The following RAF1 variants were observed in gnomAD, a reference collection of about 807,000 sequenced individuals.
RAF1 encodes the protein Raf-1 proto-oncogene, serine/threonine kinase, also known as RAF proto-oncogene serine/threonine-protein kinase.
Under a neutral mutation model 81.1 loss-of-function variants are expected in RAF1, and 27 were observed. The observed-to-expected ratio is 0.33, with a 90% confidence interval of 0.25 to 0.46. The LOEUF (loss-of-function observed/expected upper bound fraction) is 0.46, where lower values mean the gene tolerates loss of function less well. Among genes scored for constraint, RAF1 ranks in the 20% least tolerant of loss-of-function variants. The probability of loss-of-function intolerance (pLI) is 1.00; values close to 1 mark genes in which losing one functional copy is unlikely to be tolerated. For missense variants in RAF1, 598 were observed against 826.0 expected (o/e 0.72, Z 3.38); for synonymous variants, 298 against 294.0 (o/e 1.01, Z -0.14).
chr3:12,658,597 C>T (rs547496145), intron 1 of RAF1, among the ~76,000 whole-genome samples: 11 of 151,786 alleles, frequency 7.2e-5, no homozygotes, highest in Non-Finnish European at 1.3e-4. Context: ...AACGAAACTC[C>T]GTCTCAAAAA....
intron 1 of RAF1, among the ~76,000 whole-genome samples, chr3:12,657,158 A>G (rs994966755): frequency 6.6e-6 from 1 of 152,194 alleles, no homozygotes; most frequent in Non-Finnish European, 1.5e-5. Flanking sequence ...TTTCCACTAA[A>G]CATACTATTA....
At chr3:12,599,935 C>A in intron 10 of RAF1, 127 bp from the exon 10 acceptor site, 1 of 1,195,612 alleles carries the variant, frequency 8.4e-7, no homozygotes, top group Non-Finnish European at 1.2e-6. Context: ...ATTAACCATA[C>A]TTCCAATTTT....
intron 1 of RAF1, among the ~76,000 whole-genome samples, chr3:12,634,918 A>G (rs944079551): frequency 6.6e-6 from 1 of 152,198 alleles, no homozygotes; most frequent in Non-Finnish European, 1.5e-5. Flanking sequence ...GGGGATATAT[A>G]CTATTCATGG....
At chr3:12,657,462 T>C (rs938326604) in intron 1 of RAF1, among the ~76,000 whole-genome samples, 4 of 152,192 alleles carry the variant, frequency 2.6e-5, no homozygotes, top group East Asian at 3.8e-4. Context: ...GAAAATAATA[T>C]TTAATTCTTA....
At chr3:12,641,337 T>C (rs1012942979) in intron 1 of RAF1, among the ~76,000 whole-genome samples, 1 of 151,690 alleles carries the variant, frequency 6.6e-6, no homozygotes, top group Non-Finnish European at 1.5e-5. Context: ...AACCTGCACA[T>C]TGTGCACATG....
chr3:12,642,498 C>T (rs1043974146), intron 1 of RAF1, among the ~76,000 whole-genome samples: 3 of 150,102 alleles, frequency 2.0e-5, no homozygotes, highest in East Asian at 3.9e-4. Flanking sequence ...GGCAACAGAG[C>T]GAGACTCCAT....
intron 1 of RAF1, among the ~76,000 whole-genome samples, chr3:12,632,395 ACTGT>A (rs1276181517): frequency 2.0e-5 from 3 of 151,568 alleles, no homozygotes; most frequent in Non-Finnish European, 4.4e-5. Context: ...GCAATGGATC[ACTGT>A]CTGTTTTTTT....
At chr3:12,602,299 GATTAA>G (rs1411165678) in intron 8 of RAF1, among the ~76,000 whole-genome samples, 1 of 152,154 alleles carries the variant, frequency 6.6e-6, no homozygotes, top group Non-Finnish European at 1.5e-5. Context: ...ACTTATATGT[GATTAA>G]ATTAACAGGA....
At chr3:12,619,016 TGGGTG>T (rs2059465836) in intron 1 of RAF1, among the ~76,000 whole-genome samples, 1 of 136,984 alleles carries the variant, frequency 7.3e-6, no homozygotes, top group African/African-American at 2.8e-5. Flanking sequence ...GAGGCCGAGG[TGGGTG>T]CATCACGAGG....
At chr3:12,611,810 TG>T (rs1457332462) in intron 3 of RAF1, 139 bp downstream of exon 3, 82 of 712,862 alleles carry the variant, frequency 1.2e-4, no homozygotes, top group Non-Finnish European at 1.8e-4. Flanking sequence ...CCTATTTTTC[TG>T]AATTATCTCT....
At chr3:12,622,919 T>C (rs1321374037) in intron 1 of RAF1, among the ~76,000 whole-genome samples, 1 of 152,158 alleles carries the variant, frequency 6.6e-6, no homozygotes, top group Non-Finnish European at 1.5e-5. Flanking sequence ...TCCCAGCACT[T>C]TGGGAGGCCC....
At chr3:12,641,286 G>A (rs1487747753) in intron 1 of RAF1, among the ~76,000 whole-genome samples, 6 of 151,570 alleles carry the variant, frequency 4.0e-5, no homozygotes, top group Admixed American at 2.6e-4. Flanking sequence ...CTAGTTAACT[G>A]GTGCAGCACA....
intron 1 of RAF1, among the ~76,000 whole-genome samples, chr3:12,644,365 T>G (rs1046383728): frequency 1.3e-5 from 2 of 152,190 alleles, no homozygotes; most frequent in Non-Finnish European, 2.9e-5. Flanking sequence ...GAACACCCAC[T>G]TAAGTTTTCT....
At chr3:12,604,345 T>C (rs2125399324) in intron 6 of RAF1, 56 bp from the exon 7 acceptor site, 1 of 1,566,616 alleles carries the variant, frequency 6.4e-7, no homozygotes, top group Non-Finnish European at 8.7e-7. Flanking sequence ...ACTGGTGAAG[T>C]CTTTCAAGTA....
At chr3:12,647,224 A>G (rs1038216069) in intron 1 of RAF1, among the ~76,000 whole-genome samples, 3 of 150,618 alleles carry the variant, frequency 2.0e-5, no homozygotes, top group Non-Finnish European at 4.4e-5. Context: ...GGAACCCAGG[A>G]GGCGAAGGCT....
At chr3:12,650,701 C>G (rs895102032) in intron 1 of RAF1, among the ~76,000 whole-genome samples, 1 of 152,090 alleles carries the variant, frequency 6.6e-6, no homozygotes, top group Non-Finnish European at 1.5e-5. Context: ...ATTTCAGAAC[C>G]CCTTAAAGTA....
At chr3:12,628,754 G>T (rs1167784894) in intron 1 of RAF1, among the ~76,000 whole-genome samples, 5 of 89,976 alleles carry the variant, frequency 5.6e-5, no homozygotes, top group Non-Finnish European at 8.8e-5. Context: ...CTATTTTTGG[G>T]GGGGGGGGGT....
chr3:12,643,597 G>A (rs570821570), intron 1 of RAF1, among the ~76,000 whole-genome samples: 2 of 151,934 alleles, frequency 1.3e-5, no homozygotes, highest in East Asian at 3.9e-4. Flanking sequence ...AAAATTAGGC[G>A]TGGTGGCAGG....
chr3:12,591,633 G>T, intron 12 of RAF1, 75 bp downstream of exon 11: 1 of 1,345,590 alleles, frequency 7.4e-7, no homozygotes, highest in Non-Finnish European at 1.1e-6. Flanking sequence ...CTGCGGCACA[G>T]TCCACTAACT....
Sources: allele counts gnomAD v4.1 joint callset (sites outside exome capture counted in the v4.1 genomes callset), GRCh38; gene constraint gnomAD v4.1.1; transcripts MANE v1.5; gene names NCBI Gene and HGNC (gene_info 2026-07-23, HGNC 2026-07-21).